Variants in PLA2G4E observed in about 807,000 individuals in gnomAD.
The protein encoded by PLA2G4E is phospholipase A2 group IVE.
In PLA2G4E, 84 loss-of-function variants were observed where a neutral mutation model predicts 109.1. That is an observed-to-expected ratio of 0.77 (90% CI 0.65 to 0.92). The LOEUF (loss-of-function observed/expected upper bound fraction) is 0.92, where lower values mean the gene tolerates loss of function less well. PLA2G4E is among the 40% of genes least tolerant of loss of function. The pLI is 0.00. For missense variants in PLA2G4E, 1,057 were observed against 1,076.6 expected (o/e 0.98, Z 0.25); for synonymous variants, 469 against 436.1 (o/e 1.08, Z -0.94).
At chr15:42,039,026 C>T (rs936347060) in intron 1 of PLA2G4E, among the ~76,000 whole-genome samples, 10 of 152,078 alleles carry the variant, frequency 6.6e-5, no homozygotes, top group East Asian at 1.9e-4. Flanking sequence ...TATTAGGGAT[C>T]GTGGGCATCT....
chr15:41,987,913 C>T, intron 16 of PLA2G4E, 136 bp downstream of exon 16: 1 of 579,944 alleles, frequency 1.7e-6, no homozygotes, highest in Non-Finnish European at 3.2e-6. Flanking sequence ...ATCACCCAGC[C>T]ATGAGGGAAA....
chr15:42,033,182 T>G (rs907384190), intron 1 of PLA2G4E, among the ~76,000 whole-genome samples: 1 of 152,124 alleles, frequency 6.6e-6, no homozygotes, highest in Non-Finnish European at 1.5e-5. Flanking sequence ...CCTGAGCTCT[T>G]GCTGGAGAAT....
At chr15:42,000,748 C>T (rs1358958393) in intron 7 of PLA2G4E, among the ~76,000 whole-genome samples, 2 of 152,140 alleles carry the variant, frequency 1.3e-5, no homozygotes, top group African/African-American at 2.4e-5. Context: ...AGGTCTCTGC[C>T]AGCTATAAAG....
intron 4 of PLA2G4E, among the ~76,000 whole-genome samples, 185 bp from the exon 5 acceptor site, chr15:42,005,163 A>G (rs1162393497): frequency 6.6e-6 from 1 of 152,100 alleles, no homozygotes; most frequent in Non-Finnish European, 1.5e-5. Context: ...TGACATCAGG[A>G]GCATCACTGA....
chr15:42,004,979 C>G lies in PLA2G4E; in HGVS notation c.526-1G>C. 1 of 1,612,878 alleles carries G rather than the reference C, an allele frequency of 6.2e-7. No individual in the cohort carries two copies. Reference sequence around the variant, plus strand: ...ACTCCACCTCCAGCTCTTCCATGCCCTGGTAGGGGAGGGAGGGAAGGCAGC... The same window carrying G: ...ACTCCACCTCCAGCTCTTCCATGCCGTGGTAGGGGAGGGAGGGAAGGCAGC... On this transcript the variant is annotated splice_acceptor_variant, in intron 4 of 19. Transcript: ENST00000399518. LOFTEE classifies it high-confidence loss of function.
At chr15:42,002,559 A>G in intron 6 of PLA2G4E, 95 bp downstream of exon 6, 1 of 1,373,138 alleles carries the variant, frequency 7.3e-7, no homozygotes, top group Non-Finnish European at 1.0e-6. Context: ...ACAGAGACCA[A>G]GCTGGGCCCA....
At chr15:42,014,268 G>C (rs1227702475) in intron 1 of PLA2G4E, among the ~76,000 whole-genome samples, 5 of 152,178 alleles carry the variant, frequency 3.3e-5, no homozygotes, top group African/African-American at 1.2e-4. Flanking sequence ...GCTCCAGAGA[G>C]CCTGGGACCC....
At chr15:41,983,422 T>C in exon 20 of PLA2G4E, 1 of 304,478 alleles carries the variant, frequency 3.3e-6, no homozygotes, top group Non-Finnish European at 6.1e-6. Flanking sequence ...GGGCTCTGCC[T>C]CTGAGTCGAG....
At chr15:42,048,393 TGGA>T (rs1313380443) in intron 1 of PLA2G4E, among the ~76,000 whole-genome samples, 1 of 152,252 alleles carries the variant, frequency 6.6e-6, no homozygotes, top group African/African-American at 2.4e-5. Context: ...GGGATTATAG[TGGA>T]TTGGCCCTTT....
exon 2 of PLA2G4E, chr15:42,013,721 C>T: frequency 6.4e-7 from 1 of 1,550,614 alleles, no homozygotes; most frequent in Non-Finnish European, 8.7e-7. Context: ...ATCCGGATGA[C>T]CCTCACTGTC....
chr15:42,042,808 G>A (rs753280563), intron 1 of PLA2G4E, among the ~76,000 whole-genome samples: 12 of 152,196 alleles, frequency 7.9e-5, no homozygotes, highest in Non-Finnish European at 8.8e-5. Flanking sequence ...CAAGGAAGGG[G>A]GCAGAGCCGT....
At chr15:42,041,835 A>G (rs1309907316) in intron 1 of PLA2G4E, among the ~76,000 whole-genome samples, 1 of 146,956 alleles carries the variant, frequency 6.8e-6, no homozygotes, top group Non-Finnish European at 1.5e-5. Flanking sequence ...TTGCTGAGGG[A>G]CCCTCCTCAT....
intron 6 of PLA2G4E, among the ~76,000 whole-genome samples, chr15:42,002,271 A>AG (rs2068429084): frequency 1.3e-5 from 2 of 148,316 alleles, no homozygotes; most frequent in African/African-American, 5.2e-5. Context: ...TCTCAAAAAA[A>AG]AAAAAAAAAA....
At chr15:42,010,068 G>T in intron 2 of PLA2G4E, 1 of 491,840 alleles carries the variant, frequency 2.0e-6, no homozygotes, top group Non-Finnish European at 4.1e-6. Context: ...TCTGCTGATA[G>T]GGAGACTCAC....
At chr15:42,031,544 C>T (rs1019506184) in intron 1 of PLA2G4E, among the ~76,000 whole-genome samples, 7 of 152,104 alleles carry the variant, frequency 4.6e-5, no homozygotes, top group Non-Finnish European at 1.0e-4. Flanking sequence ...CTCTTTCTCC[C>T]ATAGGCTTCC....
chr15:42,017,018 C>G (rs1194474034), intron 1 of PLA2G4E, among the ~76,000 whole-genome samples: 1 of 152,212 alleles, frequency 6.6e-6, no homozygotes, highest in African/African-American at 2.4e-5. Context: ...GAGGCAGGGT[C>G]AACTTTCACC....
At position 42,028,384 on chromosome 15, in the gene PLA2G4E, C is replaced by T. The variant is rs149401797; in HGVS notation, c.184-14627G>A. Among the ~76,000 whole-genome samples, 105 of 25,756 alleles carry T rather than the reference C, an allele frequency of 4.1e-3. 1 individual carries two copies. Among genetic ancestry groups the T allele is most frequent in the South Asian group, 0.017 (5 of 298 alleles). The allele number at this position is 25,756 out of a possible 152,430, so 16.9% of individuals were successfully genotyped here. On this transcript the variant is annotated intron_variant, in intron 1 of 19. Transcript: ENST00000399518. Reference sequence around the variant, plus strand: ...CGTTTTTATTTTATTTATTTATTTACTTATTTATTTATTTATTTATTTATT... The same window carrying T: ...CGTTTTTATTTTATTTATTTATTTATTTATTTATTTATTTATTTATTTATT...
At position 41,996,173 on chromosome 15, in the gene PLA2G4E, C is replaced by T. The variant is rs148082481; in HGVS notation, c.1111-677G>A. On this transcript the variant is annotated intron_variant, in intron 11 of 19. Coordinates refer to ENST00000399518, the Ensembl canonical transcript of PLA2G4E. ...ACCAGCCTGGGCAACATGTAGAAAC[C>T]CCATCTCTACAAAAAAATACAAAAA... Among the ~76,000 whole-genome samples, 1,196 of 151,882 alleles carry T rather than the reference C, an allele frequency of 7.9e-3. 22 individuals are homozygous for T. Among genetic ancestry groups the T allele is most frequent in the African/African-American group, 0.028 (1,138 of 41,374 alleles).
intron 3 of PLA2G4E, among the ~76,000 whole-genome samples, chr15:42,006,635 A>G (rs1015083125): frequency 6.6e-6 from 1 of 152,074 alleles, no homozygotes; most frequent in African/African-American, 2.4e-5. Flanking sequence ...CTATCCTTTG[A>G]CTCATCAGCC....
Sources: gnomAD v4.1 joint callset for allele counts (sites outside exome capture counted in the v4.1 genomes callset) on GRCh38, gnomAD v4.1.1 for gene constraint, MANE v1.5 for transcripts, NCBI Gene and HGNC (gene_info 2026-07-23, HGNC 2026-07-21) for gene names.